BICC1: variants seen among roughly 807,000 people sequenced by gnomAD.
BICC1 encodes the protein BicC family RNA binding protein 1.
BICC1 carries 43 observed loss-of-function variants against 111.0 expected under a neutral mutation model. The ratio of observed to expected loss-of-function variants is 0.39; its 90% CI spans 0.30 to 0.50. The LOEUF (loss-of-function observed/expected upper bound fraction) is 0.50, where lower values mean the gene tolerates loss of function less well. BICC1 is among the 20% of genes least tolerant of loss of function. The pLI, the probability that BICC1 is intolerant of heterozygous loss-of-function variation, is 0.88. For missense variants in BICC1, 1,091 were observed against 1,203.2 expected (o/e 0.91, Z 1.38); for synonymous variants, 467 against 434.4 (o/e 1.07, Z -0.93).
intron 3 of BICC1, among the ~76,000 whole-genome samples, chr10:58,768,748 A>G (rs1339994623): frequency 2.0e-5 from 3 of 152,146 alleles, no homozygotes; most frequent in African/African-American, 4.8e-5. Context: ...ACTCATAACT[A>G]TAAGATGTTT....
At chr10:58,561,463 G>T (rs912025065) in intron 1 of BICC1, among the ~76,000 whole-genome samples, 1 of 151,748 alleles carries the variant, frequency 6.6e-6, no homozygotes, top group Non-Finnish European at 1.5e-5. Flanking sequence ...TTTCTTATAT[G>T]CATATAACTG....
intron 2 of BICC1, among the ~76,000 whole-genome samples, chr10:58,656,394 CA>C (rs1564535195): frequency 1.3e-5 from 2 of 150,342 alleles, no homozygotes; most frequent in African/African-American, 4.9e-5. Flanking sequence ...GAGACACAAC[CA>C]AAAAAGAGAT....
chr10:58,538,266 A>T (rs987876814), intron 1 of BICC1, among the ~76,000 whole-genome samples: 1 of 150,610 alleles, frequency 6.6e-6, no homozygotes, highest in African/African-American at 2.4e-5. Context: ...GGTACTGGTA[A>T]AAAAGTAGTT....
chr10:58,644,954 A>G (rs1158685894), intron 2 of BICC1, among the ~76,000 whole-genome samples: 1 of 152,182 alleles, frequency 6.6e-6, no homozygotes, highest in Non-Finnish European at 1.5e-5. Context: ...AGGTCATCAA[A>G]TAGTATTATG....
chr10:58,809,030 A>C (rs1843809177), intron 17 of BICC1, among the ~76,000 whole-genome samples: 1 of 149,480 alleles, frequency 6.7e-6, no homozygotes, highest in African/African-American at 2.5e-5. Flanking sequence ...ATATTTTAAA[A>C]AATTTTACTT....
At chr10:58,714,060 A>T (rs1840659479) in intron 3 of BICC1, among the ~76,000 whole-genome samples, 1 of 152,196 alleles carries the variant, frequency 6.6e-6, no homozygotes, top group African/African-American at 2.4e-5. Flanking sequence ...GCTGCTAAAC[A>T]TCCTACCCTG....
At chr10:58,569,780 C>G (rs1843888814) in intron 1 of BICC1, among the ~76,000 whole-genome samples, 1 of 152,160 alleles carries the variant, frequency 6.6e-6, no homozygotes, top group Non-Finnish European at 1.5e-5. Context: ...TTTTCTTCAT[C>G]CAGTCTGTCA....
intron 1 of BICC1, among the ~76,000 whole-genome samples, chr10:58,609,868 A>T (rs1375067946): frequency 6.6e-6 from 1 of 152,228 alleles, no homozygotes; most frequent in African/African-American, 2.4e-5. Flanking sequence ...TTCTAAAAAA[A>T]CATTGAAATT....
intron 1 of BICC1, among the ~76,000 whole-genome samples, chr10:58,562,045 TTC>T (rs1393383106): frequency 6.6e-6 from 1 of 152,156 alleles, no homozygotes; most frequent in East Asian, 1.9e-4. Flanking sequence ...GTTTTGAAAA[TTC>T]TCTCTTTGTT....
intron 3 of BICC1, among the ~76,000 whole-genome samples, chr10:58,783,075 C>A (rs10763589): frequency 0.77 from 117,343 of 152,044 alleles, 45,886 homozygotes; most frequent in East Asian, 1. Context: ...AACATTTTGG[C>A]AAGTTTTAAC....
At chr10:58,803,828 G>A (rs1243750092) in intron 15 of BICC1, among the ~76,000 whole-genome samples, 2 of 152,038 alleles carry the variant, frequency 1.3e-5, no homozygotes, top group Non-Finnish European at 2.9e-5. Flanking sequence ...CAAACTATTA[G>A]TCTAATTACT....
At chr10:58,568,119 A>G (rs1232179146) in intron 1 of BICC1, among the ~76,000 whole-genome samples, 7 of 152,152 alleles carry the variant, frequency 4.6e-5, no homozygotes, top group Admixed American at 2.0e-4. Flanking sequence ...CTGTACAGTC[A>G]GTGGTGCTAA....
Position 58,513,123 on chromosome 10 carries a change from C to T in BICC1, c.-21C>T. ...GGCAGAGCGGCGGCGGCAGCGGGAG[C>T]CCGAGCGCTGCGCGCCCACCATGGC... On this transcript the variant is annotated 5_prime_UTR_variant, in exon 1 of 21. Transcript: ENST00000373886. The T allele has an allele frequency of 7.0e-7, 1 of 1,427,026 alleles. No individual in the cohort carries two copies. Among genetic ancestry groups the T allele is most frequent in the Non-Finnish European group, 9.1e-7 (1 of 1,093,996 alleles). 88.4% of individuals were successfully genotyped at this position (1,427,026 alleles called of 1,614,324 possible).
chr10:58,623,332 T>C (rs983635522), intron 2 of BICC1, among the ~76,000 whole-genome samples: 3 of 152,236 alleles, frequency 2.0e-5, no homozygotes, highest in African/African-American at 4.8e-5. Flanking sequence ...GTGAAACATA[T>C]TATCTCAAAT....
chr10:58,796,703 T>A (rs1482309676), intron 10 of BICC1, among the ~76,000 whole-genome samples, 177 bp downstream of exon 10: 1 of 152,166 alleles, frequency 6.6e-6, no homozygotes, highest in Non-Finnish European at 1.5e-5. Flanking sequence ...TTAGTCTCTG[T>A]GGATTTGTTA....
chr10:58,703,691 T>C (rs1840306988), intron 3 of BICC1, among the ~76,000 whole-genome samples: 1 of 152,238 alleles, frequency 6.6e-6, no homozygotes, highest in Non-Finnish European at 1.5e-5. Context: ...TCATGGATTA[T>C]CTAGCTGTTT....
intron 1 of BICC1, among the ~76,000 whole-genome samples, chr10:58,537,841 G>A (rs1842862306): frequency 6.6e-6 from 1 of 151,572 alleles, no homozygotes; most frequent in South Asian, 2.1e-4. Flanking sequence ...TGAGAACCAA[G>A]CTGAGTATGA....
intron 1 of BICC1, among the ~76,000 whole-genome samples, chr10:58,562,817 G>C (rs1412648835): frequency 1.3e-5 from 2 of 152,016 alleles, no homozygotes; most frequent in Non-Finnish European, 2.9e-5. Context: ...TTTAGTTCTG[G>C]ATTGGAACAG....
intron 2 of BICC1, among the ~76,000 whole-genome samples, chr10:58,688,700 A>G (rs1839823297): frequency 6.6e-6 from 1 of 152,258 alleles, no homozygotes; most frequent in Non-Finnish European, 1.5e-5. Flanking sequence ...CTATGCAGCC[A>G]TAAAAAATAA....
Sources: allele counts gnomAD v4.1 joint callset (sites outside exome capture counted in the v4.1 genomes callset), GRCh38; gene constraint gnomAD v4.1.1; transcripts MANE v1.5; gene names NCBI Gene and HGNC (gene_info 2026-07-23, HGNC 2026-07-21).